UNC45B: variants seen among roughly 807,000 people sequenced by gnomAD.
The protein encoded by UNC45B is unc-45 myosin chaperone B, also known as protein unc-45 homolog B.
In UNC45B, 78 loss-of-function variants were observed where a neutral mutation model predicts 98.7. That is an observed-to-expected ratio of 0.79 (90% CI 0.66 to 0.95). The LOEUF (loss-of-function observed/expected upper bound fraction) is 0.95, where lower values mean the gene tolerates loss of function less well. UNC45B is among the 40% of genes least tolerant of loss of function. The pLI is 0.00. For missense variants in UNC45B, 1,225 were observed against 1,184.9 expected (o/e 1.03, Z -0.50); for synonymous variants, 462 against 480.4 (o/e 0.96, Z 0.50).
chr17:35,185,508 A>G (rs1191773823), intron 19 of UNC45B, among the ~76,000 whole-genome samples: 1 of 151,794 alleles, frequency 6.6e-6, no homozygotes, highest in Non-Finnish European at 1.5e-5. Context: ...GGGTTTCCCC[A>G]TGTTGGCCAG....
At chr17:35,154,784 G>T in intron 6 of UNC45B, 43 bp downstream of exon 6, 1 of 1,520,566 alleles carries the variant, frequency 6.6e-7, no homozygotes. Context: ...ACGACTGCTG[G>T]TCCAAGGATC....
At chr17:35,166,825 G>C (rs1285865687) in intron 9 of UNC45B, 1 of 152,222 alleles carries the variant, frequency 6.6e-6, no homozygotes, top group Non-Finnish European at 1.5e-5. Context: ...CATGGGACCA[G>C]AGCCCAGGTC....
At chr17:35,181,328 T>G (rs1385101782) in intron 18 of UNC45B, among the ~76,000 whole-genome samples, 1 of 152,192 alleles carries the variant, frequency 6.6e-6, no homozygotes, top group Non-Finnish European at 1.5e-5. Context: ...TGTAATCTTA[T>G]CAGAGATAAC....
Position 35,186,286 on chromosome 17 carries a change from T to C in UNC45B, c.2530-13T>C, listed in dbSNP as rs2092303008. 1.9e-6 allele frequency: 3 copies of C among 1,612,832 alleles called. No individual in the cohort carries two copies. The highest frequency in any genetic ancestry group is 1.3e-5 in the African/African-American group (1 of 75,006). On this transcript the variant is annotated splice_polypyrimidine_tract_variant and intron_variant, in intron 19 of 19. Transcript: ENST00000394570. ...AAACCTAGCACCTTCCTTACCTTTTTCCCTGCCTCCAGACAACCCAGTGGT... is the reference window on the plus strand; with the variant it reads ...AAACCTAGCACCTTCCTTACCTTTTCCCCTGCCTCCAGACAACCCAGTGGT...
Position 35,177,134 on chromosome 17 carries a change from G to C in UNC45B, c.2139+4G>C. ...CATTGCTTTTCCTGGGGAGCGGGTA[G>C]GTGCTTGGGTAGATGGGATAGGGCA... On this transcript the variant is annotated splice_donor_region_variant and intron_variant, in intron 16 of 19. Transcript: ENST00000394570. 1.2e-6 allele frequency: 2 copies of C among 1,613,684 alleles called. No homozygotes were observed. The highest frequency in any genetic ancestry group is 1.3e-5 in the African/African-American group (1 of 75,016).
rs61749988 is a variant in UNC45B at position 35,155,468 on chromosome 17, G to C, written c.808+4G>C. On this transcript the variant is annotated splice_donor_region_variant and intron_variant, in intron 7 of 19. Transcript: ENST00000394570. ...AAGGAGGAGGCCCTGGTTCTAGGTAGGAAACATTCTTCAGTTTTGATTCAA... is the reference window on the plus strand; with the variant it reads ...AAGGAGGAGGCCCTGGTTCTAGGTACGAAACATTCTTCAGTTTTGATTCAA... The C allele has an allele frequency of 2.0e-3, 3,203 of 1,613,482 alleles. 51 individuals carry two copies. The African/African-American group carries it at 0.035, about 18-fold the overall frequency.
chr17:35,186,127 G>T (rs1270978744), intron 19 of UNC45B, among the ~76,000 whole-genome samples, 172 bp from the exon 20 acceptor site: 1 of 152,128 alleles, frequency 6.6e-6, no homozygotes, highest in Non-Finnish European at 1.5e-5. Context: ...ACTCACTGCT[G>T]CAAGAATTAA....
At chr17:35,172,758 C>T (rs554919398) in intron 13 of UNC45B, among the ~76,000 whole-genome samples, 18 of 152,168 alleles carry the variant, frequency 1.2e-4, no homozygotes, top group Admixed American at 2.6e-4. Flanking sequence ...ATTGTTATGG[C>T]GGCTTCATCC....
intron 1 of UNC45B, 53 bp from the exon 2 acceptor site, chr17:35,148,211 C>A (rs1413268916): frequency 2.5e-6 from 4 of 1,601,200 alleles, no homozygotes; most frequent in Non-Finnish European, 2.6e-6. Context: ...AGGAGCCCAG[C>A]CCTGGGTCTG....
chr17:35,170,828 C>T (rs935592066), intron 12 of UNC45B, among the ~76,000 whole-genome samples: 1 of 152,082 alleles, frequency 6.6e-6, no homozygotes, highest in Admixed American at 6.5e-5. Flanking sequence ...CAGAGAGAGA[C>T]CTTGCCTCAA....
Position 35,171,920 on chromosome 17 carries a change from T to G in UNC45B, c.1830+458T>G, listed in dbSNP as rs76945970. 2.8e-3 allele frequency among the ~76,000 whole-genome samples: 423 copies of G among 152,262 alleles called. 7 individuals carry two copies. The East Asian group carries it at 0.037, about 13-fold the overall frequency. Reference sequence around the variant, plus strand: ...ACCCTCTCCAACAATTCCCTGCACATGAAGATATGATTTGTGTGTGATTTG... The same window carrying G: ...ACCCTCTCCAACAATTCCCTGCACAGGAAGATATGATTTGTGTGTGATTTG... On this transcript the variant is annotated intron_variant, in intron 13 of 19. Coordinates refer to ENST00000394570, the MANE Select transcript of UNC45B (RefSeq NM_001267052.2).
In UNC45B at chr17:35,177,139, T is replaced by C; in HGVS notation, c.2139+9T>C. On this transcript the variant is annotated intron_variant, in intron 16 of 19. Transcript: ENST00000394570. ...CTTTTCCTGGGGAGCGGGTAGGTGC[T>C]TGGGTAGATGGGATAGGGCAATGGG... The C allele has an allele frequency of 6.2e-7, 1 of 1,612,896 alleles. No individual in the cohort carries two copies. The highest frequency in any genetic ancestry group is 8.5e-7 in the Non-Finnish European group (1 of 1,178,964).
At position 35,177,622 on chromosome 17, in the gene UNC45B, G is replaced by A. The variant is rs1399246286; in HGVS notation, c.2255+12G>A. The A allele has an allele frequency of 1.3e-6, 2 of 1,541,972 alleles. No individual in the cohort carries two copies. Among genetic ancestry groups the A allele is most frequent in the East Asian group, 4.9e-5 (2 of 40,924 alleles). On this transcript the variant is annotated intron_variant, in intron 17 of 19. Transcript: ENST00000394570. ...AGTGACAAACTCCGGTGAGTGTGGT[G>A]AGTGTGGCAGGGGTGGAGAGAGGTG...
chr17:35,155,966 G>A (rs917841955), intron 7 of UNC45B, among the ~76,000 whole-genome samples: 5 of 152,220 alleles, frequency 3.3e-5, no homozygotes, highest in African/African-American at 1.2e-4. Context: ...ATTGGTGGGT[G>A]ACTGGATGAG....
intron 3 of UNC45B, among the ~76,000 whole-genome samples, chr17:35,149,459 C>A (rs1021560334): frequency 9.9e-5 from 15 of 152,134 alleles, no homozygotes; most frequent in Non-Finnish European, 4.4e-5. Context: ...CTCTGTTGCC[C>A]AGACTGGAGT....
intron 10 of UNC45B, among the ~76,000 whole-genome samples, chr17:35,169,516 A>C (rs1024900029): frequency 2.0e-5 from 3 of 152,144 alleles, no homozygotes; most frequent in African/African-American, 7.2e-5. Context: ...TCCCCATTGA[A>C]GCTTCAGATA....
intron 3 of UNC45B, among the ~76,000 whole-genome samples, chr17:35,149,660 C>T (rs960615274): frequency 1.3e-5 from 2 of 152,198 alleles, no homozygotes; most frequent in African/African-American, 2.4e-5. Flanking sequence ...TGTGATCTGC[C>T]TACCTTGGCC....
chr17:35,184,272 G>A (rs968442609), intron 19 of UNC45B, among the ~76,000 whole-genome samples: 1 of 152,234 alleles, frequency 6.6e-6, no homozygotes, highest in African/African-American at 2.4e-5. Context: ...TCTGGCAAGG[G>A]TGTATCTGCT....
Position 35,164,100 on chromosome 17 carries a change from T to C in UNC45B, c.1085T>C (p.Leu362Pro). 1 of 1,614,054 alleles carries C rather than the reference T, an allele frequency of 6.2e-7. No individual in the cohort carries two copies. The highest frequency in any genetic ancestry group is 1.7e-5 in the Admixed American group (1 of 60,014). ...RMLASILINK[L>P]YDDLRCDPER... The stretch of plus-strand genomic sequence containing the variant: ...CTGGCCTCTATCCTCATCAACAAGC[T>C]CTATGATGACCTGCGCTGTGACCCG... The change falls in exon 9 of 20, where the codon CTC (leucine) becomes CCC (proline). Residue 362 changes from leucine to proline, a missense_variant. Leu to Pro is a moderately conservative substitution (Grantham distance 98, BLOSUM62 -3). Coordinates refer to ENST00000394570, the MANE Select transcript of UNC45B (RefSeq NM_001267052.2).
Sources: gnomAD v4.1 joint callset for allele counts (sites outside exome capture counted in the v4.1 genomes callset) on GRCh38, gnomAD v4.1.1 for gene constraint, MANE v1.5 for transcripts, NCBI Gene and HGNC (gene_info 2026-07-23, HGNC 2026-07-21) for gene names.